CTNNA2: variants seen among roughly 807,000 people sequenced by gnomAD.
The protein encoded by CTNNA2 is catenin alpha 2.
A neutral mutation model predicts 101.0 loss-of-function variants in CTNNA2; 42 were observed. The observed-to-expected ratio is 0.42, with a 90% CI of 0.32 to 0.54. The LOEUF is 0.54. Ranked by LOEUF, CTNNA2 falls within the 20% of genes least tolerant of loss-of-function variation. The pLI, the probability that CTNNA2 is intolerant of heterozygous loss-of-function variation, is 0.14. For synonymous variants in CTNNA2, 450 were observed against 456.4 expected (o/e 0.99, Z 0.18); for missense variants, 871 against 1,223.1 (o/e 0.71, Z 4.29).
At chr2:79,452,015 A>G (rs1214179314) in intron 4 of CTNNA2, among the ~76,000 whole-genome samples, 1 of 152,110 alleles carries the variant, frequency 6.6e-6, no homozygotes, top group Non-Finnish European at 1.5e-5. Context: ...GGGAGTTTTG[A>G]AAACTCTCTT....
chr2:80,179,721 C>G (rs539082960), intron 7 of CTNNA2, among the ~76,000 whole-genome samples: 1 of 152,268 alleles, frequency 6.6e-6, no homozygotes, highest in African/African-American at 2.4e-5. Context: ...TGGCACTGAT[C>G]TCTGCAATCC....
At chr2:80,350,638 A>G (rs1003544220) in intron 7 of CTNNA2, among the ~76,000 whole-genome samples, 5 of 152,132 alleles carry the variant, frequency 3.3e-5, no homozygotes, top group Non-Finnish European at 5.9e-5. Context: ...GTGAAAAAAT[A>G]TTTTTCTACC....
In CTNNA2 at chr2:79,670,059, TG is replaced by T. The variant is rs1271483353; in HGVS notation, c.102+18406del. Reference sequence around the variant, plus strand: ...AACTCTGAGCCTGCAGGAACAGGGTTGGGGGATACTTCCTGGGGCCCCCGAG... The same window carrying T: ...AACTCTGAGCCTGCAGGAACAGGGTTGGGGATACTTCCTGGGGCCCCCGAG... On this transcript the variant is annotated intron_variant, in intron 2 of 18. Transcript: ENST00000402739. 5.9e-5 allele frequency among the ~76,000 whole-genome samples: 9 copies of T among 152,204 alleles called. No individual in the cohort carries two copies. In the East Asian group the frequency reaches 1.7e-3, roughly 30 times the overall value.
chr2:80,134,152 T>G (rs547165727), intron 7 of CTNNA2, among the ~76,000 whole-genome samples: 1 of 152,260 alleles, frequency 6.6e-6, no homozygotes, highest in African/African-American at 2.4e-5. Context: ...AACTCTAGCT[T>G]CACCCAACAA....
intron 3 of CTNNA2, among the ~76,000 whole-genome samples, chr2:79,828,637 C>T (rs1177956216): frequency 6.6e-6 from 1 of 152,154 alleles, no homozygotes; most frequent in East Asian, 1.9e-4. Context: ...AGTTTCTGCT[C>T]TTGGACTAAG....
At chr2:80,029,106 C>T (rs1695124773) in intron 7 of CTNNA2, among the ~76,000 whole-genome samples, 1 of 152,114 alleles carries the variant, frequency 6.6e-6, no homozygotes, top group African/African-American at 2.4e-5. Context: ...TCTAGCCTTC[C>T]CAATTTATCT....
chr2:80,631,916 G>A (rs1344698185), intron 18 of CTNNA2, among the ~76,000 whole-genome samples: 4 of 152,040 alleles, frequency 2.6e-5, no homozygotes, highest in Non-Finnish European at 4.4e-5. Flanking sequence ...AGTGATAGTA[G>A]CATATAGGAG....
chr2:79,780,653 A>C (rs1167065466), intron 3 of CTNNA2, among the ~76,000 whole-genome samples: 2 of 152,174 alleles, frequency 1.3e-5, no homozygotes, highest in African/African-American at 4.8e-5. Flanking sequence ...TAAATGGCCT[A>C]AGGAGGGTAA....
chr2:79,927,740 C>T (rs1687122437), intron 7 of CTNNA2, among the ~76,000 whole-genome samples: 1 of 152,128 alleles, frequency 6.6e-6, no homozygotes, highest in South Asian at 2.1e-4. Flanking sequence ...TATTTGTCTT[C>T]ACCTGTTGCT....
chr2:79,258,880 A>C (rs1573002656), intron 2 of CTNNA2, among the ~76,000 whole-genome samples: 1 of 149,432 alleles, frequency 6.7e-6, no homozygotes, highest in Admixed American at 6.7e-5. Flanking sequence ...AAGGCAAACG[A>C]ATCTGATTGT....
At position 79,221,905 on chromosome 2, in the gene CTNNA2, G is replaced by A. The variant is rs117075255; in HGVS notation, c.-406+23829G>A. On this transcript the variant is annotated intron_variant, in intron 2 of 21. Coordinates refer to the CTNNA2 transcript ENST00000466387. ...GACACTTGTGGTCATGGAAGATAACGGCTCTCAGAAGTGTAGAGGGTATAG... is the reference window on the plus strand; with the variant it reads ...GACACTTGTGGTCATGGAAGATAACAGCTCTCAGAAGTGTAGAGGGTATAG... Among the ~76,000 whole-genome samples, 213 of 152,204 alleles carry A rather than the reference G, an allele frequency of 1.4e-3. 7 individuals carry two copies. In the East Asian group the frequency reaches 0.035, roughly 25 times the overall value.
chr2:79,841,529 TGA>T (rs1679813349), intron 3 of CTNNA2, among the ~76,000 whole-genome samples: 1 of 152,096 alleles, frequency 6.6e-6, no homozygotes, highest in African/African-American at 2.4e-5. Flanking sequence ...TGTCATGGGA[TGA>T]AATATTAGTC....
intron 9 of CTNNA2, among the ~76,000 whole-genome samples, chr2:80,452,206 A>G (rs1309776655): frequency 2.0e-5 from 3 of 146,988 alleles, no homozygotes; most frequent in African/African-American, 8.2e-5. Flanking sequence ...TAATGCAATC[A>G]GGATTCACAG....
chr2:80,480,978 G>A (rs1686099657), intron 9 of CTNNA2, among the ~76,000 whole-genome samples: 1 of 152,078 alleles, frequency 6.6e-6, no homozygotes, highest in Non-Finnish European at 1.5e-5. Flanking sequence ...GTATTTTCTA[G>A]CTCTAAACCT....
At chr2:79,752,961 C>A (rs1437364624) in intron 3 of CTNNA2, among the ~76,000 whole-genome samples, 1 of 151,996 alleles carries the variant, frequency 6.6e-6, no homozygotes, top group African/African-American at 2.4e-5. Context: ...GAGAGATAAT[C>A]CCAAAAATGT....
At chr2:80,014,187 T>A (rs1471950829) in intron 7 of CTNNA2, among the ~76,000 whole-genome samples, 1 of 152,176 alleles carries the variant, frequency 6.6e-6, no homozygotes, top group Non-Finnish European at 1.5e-5. Flanking sequence ...TCATTATTTT[T>A]ATCAAAATTT....
intron 2 of CTNNA2, among the ~76,000 whole-genome samples, chr2:79,729,131 A>T (rs967241397): frequency 7.2e-5 from 11 of 152,328 alleles, no homozygotes; most frequent in Admixed American, 4.6e-4. Flanking sequence ...GACAAAAATG[A>T]AGCCCAAAGA....
intron 7 of CTNNA2, among the ~76,000 whole-genome samples, chr2:79,969,051 A>G (rs1690291721): frequency 6.6e-6 from 1 of 152,184 alleles, no homozygotes; most frequent in Non-Finnish European, 1.5e-5. Context: ...GTCTGTGGTC[A>G]CACCATCTAT....
At chr2:80,447,367 G>T (rs1683158361) in intron 9 of CTNNA2, among the ~76,000 whole-genome samples, 1 of 152,134 alleles carries the variant, frequency 6.6e-6, no homozygotes, top group South Asian at 2.1e-4. Context: ...ATATTTATAA[G>T]GTATATAATT....
Sources: allele counts gnomAD v4.1 joint callset (sites outside exome capture counted in the v4.1 genomes callset), GRCh38; gene constraint gnomAD v4.1.1; transcripts MANE v1.5; gene names NCBI Gene and HGNC (gene_info 2026-07-23, HGNC 2026-07-21).